CFDP1: variants seen among roughly 807,000 people sequenced by gnomAD.
The protein encoded by CFDP1 is chromatin remodeling protein CFDP1, also known as heterochromatin-stabilizing protein CFDP1.
In CFDP1, 31 loss-of-function variants were observed where a neutral mutation model predicts 40.1. That is an observed-to-expected ratio of 0.77 (90% CI 0.58 to 1.04). The LOEUF is 1.04. Ranked by LOEUF, CFDP1 falls within the 50% of genes least tolerant of loss-of-function variation. The pLI is 0.00. For synonymous variants in CFDP1, 167 were observed against 120.0 expected (o/e 1.39, Z -2.56); for missense variants, 423 against 343.4 (o/e 1.23, Z -1.83).
intron 5 of CFDP1, among the ~76,000 whole-genome samples, chr16:75,370,992 A>C (rs2078747342): frequency 6.6e-6 from 1 of 152,228 alleles, no homozygotes; most frequent in Non-Finnish European, 1.5e-5. Context: ...CATTTATCAA[A>C]TATGCCCTAT....
At chr16:75,369,875 C>T (rs2078739554) in intron 5 of CFDP1, among the ~76,000 whole-genome samples, 1 of 151,974 alleles carries the variant, frequency 6.6e-6, no homozygotes, top group Admixed American at 6.6e-5. Context: ...TCTCATGCCA[C>T]AGCCTCCCCA....
At chr16:75,335,890 G>T (rs2078484706) in intron 5 of CFDP1, among the ~76,000 whole-genome samples, 1 of 152,076 alleles carries the variant, frequency 6.6e-6, no homozygotes, top group African/African-American at 2.4e-5. Context: ...TTTGTGTCTG[G>T]AAATAAAGCT....
intron 5 of CFDP1, among the ~76,000 whole-genome samples, chr16:75,384,457 G>C (rs1242902262): frequency 6.6e-6 from 1 of 152,198 alleles, no homozygotes; most frequent in Non-Finnish European, 1.5e-5. Context: ...GAGAAATGCA[G>C]ATAAATACAT....
intron 5 of CFDP1, among the ~76,000 whole-genome samples, chr16:75,355,993 T>C (rs2151528958): frequency 6.6e-6 from 1 of 152,360 alleles, no homozygotes; most frequent in South Asian, 2.1e-4. Flanking sequence ...TTACTTCCTC[T>C]ACTGAAGTCT....
intron 4 of CFDP1, among the ~76,000 whole-genome samples, chr16:75,408,982 C>T (rs1363613997): frequency 6.6e-6 from 1 of 151,710 alleles, no homozygotes; most frequent in Non-Finnish European, 1.5e-5. Context: ...TTCAGCCTCC[C>T]AAGTAGCTAG....
At chr16:75,400,499 T>C (rs1330649315) in intron 4 of CFDP1, among the ~76,000 whole-genome samples, 1 of 152,238 alleles carries the variant, frequency 6.6e-6, no homozygotes, top group East Asian at 1.9e-4. Flanking sequence ...TAAAACCAGT[T>C]GGAATTATCC....
At chr16:75,313,651 G>A (rs1262828595) in intron 5 of CFDP1, among the ~76,000 whole-genome samples, 2 of 152,228 alleles carry the variant, frequency 1.3e-5, no homozygotes, top group Non-Finnish European at 1.5e-5. Context: ...TGAGTTTTAA[G>A]GTGTGCGAAT....
At chr16:75,338,016 C>A (rs2078501439) in intron 5 of CFDP1, among the ~76,000 whole-genome samples, 1 of 152,200 alleles carries the variant, frequency 6.6e-6, no homozygotes, top group East Asian at 1.9e-4. Flanking sequence ...CCAGCTCAGC[C>A]ACTTATTCAC....
chr16:75,384,872 A>G (rs1391409087), intron 5 of CFDP1, among the ~76,000 whole-genome samples: 1 of 29,870 alleles, frequency 3.3e-5, no homozygotes, highest in Non-Finnish European at 1.0e-4. Context: ...ATATATATAT[A>G]TATATATATA....
At chr16:75,412,830 G>C (rs988918096) in intron 2 of CFDP1, 76 bp from the exon 3 acceptor site, 3 of 1,175,724 alleles carry the variant, frequency 2.6e-6, no homozygotes, top group Non-Finnish European at 3.7e-6. Context: ...AATCCCAAAG[G>C]TAATCTTATA....
rs1295317486 is a variant in CFDP1, at chr16:75,403,014, G to T, written c.531-7805C>A. Among the ~76,000 whole-genome samples the T allele has an allele frequency of 3.3e-5, 5 of 152,122 alleles. No individual in the cohort carries two copies. In the East Asian group the frequency reaches 9.6e-4, roughly 29 times the overall value. ...AGTATGTAATTCATATGAAAAAAGGGCTTCCATACTCATTTCTTTGTTTTG... is the reference window on the plus strand; with the variant it reads ...AGTATGTAATTCATATGAAAAAAGGTCTTCCATACTCATTTCTTTGTTTTG... On this transcript the variant is annotated intron_variant, in intron 4 of 6. Coordinates refer to ENST00000283882, the MANE Select transcript of CFDP1 (RefSeq NM_006324.3).
chr16:75,433,301 A>T lies in CFDP1; in HGVS notation c.52T>A (p.Tyr18Asn), dbSNP rs2079448802. 6.2e-7 allele frequency: 1 copy of T among 1,600,758 alleles called. No individual in the cohort carries two copies. Residue 18 changes from tyrosine (Y) to asparagine (N), a missense_variant, in exon 1 of 7, where the codon TAC (tyrosine) becomes AAC (asparagine). Transcript: ENST00000283882. Reference sequence around the variant, plus strand: ...CGGAATCGCTCACCCGACGGCACGTAGTCCTCGTCCTCCTCCGACGTAGAG... The same window carrying T: ...CGGAATCGCTCACCCGACGGCACGTTGTCCTCGTCCTCCTCCGACGTAGAG... ...DFSTSEEDEDYVPSGGEYSED... is the reference protein window; with the variant it reads ...DFSTSEEDEDNVPSGGEYSED...
chr16:75,317,196 A>G (rs868279205), intron 5 of CFDP1, among the ~76,000 whole-genome samples: 2 of 152,270 alleles, frequency 1.3e-5, no homozygotes, highest in South Asian at 4.2e-4. Flanking sequence ...TGAGGGTTAA[A>G]TGACACGAAG....
intron 1 of CFDP1, among the ~76,000 whole-genome samples, chr16:75,420,542 TAA>T (rs1375027334): frequency 6.6e-6 from 1 of 152,206 alleles, no homozygotes; most frequent in East Asian, 1.9e-4. Context: ...TGTGCTAGAT[TAA>T]AAGAGACTCA....
intron 1 of CFDP1, among the ~76,000 whole-genome samples, chr16:75,424,484 G>A (rs923924976): frequency 2.6e-5 from 4 of 152,210 alleles, no homozygotes; most frequent in Admixed American, 6.6e-5. Flanking sequence ...TGCCAGACGC[G>A]GTGGCTCACG....
chr16:75,307,261 G>C (rs2078265110), intron 5 of CFDP1, among the ~76,000 whole-genome samples: 1 of 151,922 alleles, frequency 6.6e-6, no homozygotes, highest in African/African-American at 2.4e-5. Context: ...TGTTGCCCAG[G>C]CTGGAGTGCA....
chr16:75,386,549 A>G (rs1029029242), intron 5 of CFDP1, among the ~76,000 whole-genome samples: 2 of 152,088 alleles, frequency 1.3e-5, no homozygotes, highest in African/African-American at 4.8e-5. Flanking sequence ...ACATGGTGAA[A>G]CCCTGTCTCT....
intron 5 of CFDP1, among the ~76,000 whole-genome samples, chr16:75,317,158 C>A (rs2078329078): frequency 1.3e-5 from 2 of 152,204 alleles, no homozygotes; most frequent in African/African-American, 4.8e-5. Context: ...TGAGTGGAGA[C>A]TTCTCAAGGC....
chr16:75,328,617 A>C (rs1301139002), intron 5 of CFDP1, among the ~76,000 whole-genome samples: 1 of 150,028 alleles, frequency 6.7e-6, no homozygotes, highest in Non-Finnish European at 1.5e-5. Flanking sequence ...AAAAAAAAAA[A>C]AAAAAACTAG....
Sources: allele counts gnomAD v4.1 joint callset (sites outside exome capture counted in the v4.1 genomes callset), GRCh38; gene constraint gnomAD v4.1.1; transcripts MANE v1.5; gene names NCBI Gene and HGNC (gene_info 2026-07-23, HGNC 2026-07-21).